The following APC variants were observed in gnomAD, a reference collection of about 807,000 sequenced individuals.
The protein encoded by APC is adenomatous polyposis coli protein.
APC carries 72 observed loss-of-function variants against 247.0 expected under a neutral mutation model. The ratio of observed to expected loss-of-function variants is 0.29; its 90% CI spans 0.24 to 0.35. The LOEUF is 0.35. APC is among the 10% of genes least tolerant of loss of function. The pLI is 1.00. For synonymous variants in APC, 1,254 were observed against 1,162.5 expected, an observed-to-expected ratio of 1.08 and a Z score of -1.60; for missense variants, 3,400 against 3,360.7, an observed-to-expected ratio of 1.01 and a Z score of -0.29.
At chr5:112,816,664 A>G (rs969949002) in intron 9 of APC, among the ~76,000 whole-genome samples, 4 of 151,588 alleles carry the variant, frequency 2.6e-5, no homozygotes, top group South Asian at 2.1e-4. Flanking sequence ...ATGGTGGCAC[A>G]TGGCTGTAAT....
chr5:112,757,761 A>C (rs1012325513), intron 2 of APC, among the ~76,000 whole-genome samples: 1 of 152,166 alleles, frequency 6.6e-6, no homozygotes, highest in Non-Finnish European at 1.5e-5. Context: ...AAAGTCTAAA[A>C]TTTATGTAGT....
chr5:112,739,080 CTT>C lies in APC; in HGVS notation c.-19+1157_-19+1158del, dbSNP rs534176596. Among the ~76,000 whole-genome samples, 41 of 152,250 alleles carry C rather than the reference CTT, an allele frequency of 2.7e-4. No homozygotes were observed. In the East Asian group the frequency reaches 7.3e-3, roughly 27 times the overall value. ...TATAGTTAAGTAATTTTATATTTCT[CTT>C]TGGTTGCTTTTAGATAACACTGAAT... On this transcript the variant is annotated intron_variant, in intron 1 of 15. Transcript: ENST00000257430.
intron 9 of APC, 28 bp downstream of exon 9, chr5:112,815,621 C>T (rs2149764478): frequency 6.4e-7 from 1 of 1,557,390 alleles, no homozygotes; most frequent in Non-Finnish European, 8.8e-7. Flanking sequence ...ACCCTGGTCA[C>T]TAATGCCATG....
At position 112,835,351 on chromosome 5, in the gene APC, A is replaced by G. The variant is rs529474731; in HGVS notation, c.1958+186A>G. Among the ~76,000 whole-genome samples the G allele has an allele frequency of 5.0e-4, 76 of 152,226 alleles. 1 individual carries two copies. Among genetic ancestry groups the G allele is most frequent in the Admixed American group, 6.5e-4 (10 of 15,290 alleles). On this transcript the variant is annotated intron_variant, in intron 15 of 15. Coordinates refer to ENST00000257430, the MANE Select transcript of APC (RefSeq NM_000038.6). ...ACTTAATGTAATAACAGTTTATAGT[A>G]TTATAGAGGAGACTAAATTAAGCAA...
Position 112,845,770 on chromosome 5 carries a change from ATTTGT to A in APC, c.*1648_*1652del, listed in dbSNP as rs1766932395. 1 of 231,936 alleles carries A rather than the reference ATTTGT, an allele frequency of 4.3e-6. No individual in the cohort carries two copies. 14.4% of individuals were successfully genotyped at this position (231,936 alleles called of 1,614,324 possible). ...TAATTTACTTAATATATCTTCCCTG[ATTTGT>A]TTTAAAAGATCAGAGGGTGACTGAT... On this transcript the variant is annotated 3_prime_UTR_variant, in exon 16 of 16. Transcript: ENST00000257430.
chr5:112,710,610 G>A (rs1281045647), intron 1 of APC, among the ~76,000 whole-genome samples: 1 of 152,144 alleles, frequency 6.6e-6, no homozygotes, highest in African/African-American at 2.4e-5. Flanking sequence ...TTCAACTCTA[G>A]GAGGACGTTC....
chr5:112,730,748 C>G (rs1407686242), intron 1 of APC, among the ~76,000 whole-genome samples: 4 of 152,124 alleles, frequency 2.6e-5, no homozygotes. Flanking sequence ...ACCACAAAAT[C>G]TGAATCTGCC....
In APC at chr5:112,819,360, T is replaced by A. The variant is rs376965806; in HGVS notation, c.1312+16T>A. ...AAAAATCCAAGTATGTTCTCTATAG[T>A]GTACATCGTAGTGCATGTTTCAAAG... On this transcript the variant is annotated intron_variant, in intron 10 of 15. Transcript: ENST00000257430. 17 of 1,613,890 alleles carry A rather than the reference T, an allele frequency of 1.1e-5. No individual in the cohort carries two copies. The highest frequency in any genetic ancestry group is 1.4e-5 in the Non-Finnish European group (17 of 1,179,918).
At position 112,729,987 on chromosome 5, in the gene APC, T is replaced by C. The variant is rs182635164; in HGVS notation, c.165+22105T>C. Among the ~76,000 whole-genome samples, 924 of 152,356 alleles carry C rather than the reference T, an allele frequency of 6.1e-3. 7 individuals carry two copies. Among genetic ancestry groups the C allele is most frequent in the Middle Eastern group, 0.01 (3 of 294 alleles). On this transcript the variant is annotated intron_variant, in intron 1 of 13. Transcript: ENST00000507379. ...CTCCTTGGCATTACCTCTTATTTGC[T>C]AATGCCCATACGATAACCCCAAACT...
At chr5:112,740,532 T>C (rs1752882226) in intron 1 of APC, among the ~76,000 whole-genome samples, 1 of 145,088 alleles carries the variant, frequency 6.9e-6, no homozygotes, top group Non-Finnish European at 1.5e-5. Flanking sequence ...TTCTTTTTTT[T>C]TTTTTTTTTT....
At chr5:112,766,569 A>C (rs1389232028) in intron 3 of APC, among the ~76,000 whole-genome samples, 159 bp downstream of exon 3, 1 of 152,152 alleles carries the variant, frequency 6.6e-6, no homozygotes, top group East Asian at 1.9e-4. Context: ...AGTACAAATA[A>C]ATAAAAAATG....
Position 112,708,002 on chromosome 5 carries a change from T to G in APC, c.165+120T>G. 2.9e-6 allele frequency: 3 copies of G among 1,045,556 alleles called. No homozygotes were observed. The South Asian group carries it at 5.3e-5, about 19-fold the overall frequency. 64.8% of individuals were successfully genotyped at this position (1,045,556 alleles called of 1,614,324 possible). A position where few individuals can be genotyped will look rare whatever the true frequency, so the allele number is the denominator to read the frequency against. On this transcript the variant is annotated intron_variant, in intron 1 of 13. Coordinates refer to the APC transcript ENST00000507379. ...TCTGTGGCTCTCTTCTCTCCATGTC[T>G]CACCCTCTCCCCTCCCCGCACTCCC...
Position 112,766,395 on chromosome 5 carries a change from T to G in APC, c.205T>G (p.Leu69Val). ...AMASSGQIDL[L>V]ERLKELNLDS... is the part of the protein sequence containing the mutation. ...GGCTTCTTCTGGACAGATTGATTTATTAGAGCGTCTTAAAGGTAGATTTTA... is the reference window on the plus strand; with the variant it reads ...GGCTTCTTCTGGACAGATTGATTTAGTAGAGCGTCTTAAAGGTAGATTTTA... Residue 69 changes from leucine to valine, a missense_variant, in exon 3 of 16, where the codon TTA (leucine) becomes GTA (valine). Transcript: ENST00000257430. The G allele has an allele frequency of 2.5e-6, 4 of 1,609,644 alleles. No individual in the cohort carries two copies. Among genetic ancestry groups the G allele is most frequent in the Non-Finnish European group, 3.4e-6 (4 of 1,176,122 alleles).
chr5:112,816,349 A>C (rs1762510272), intron 9 of APC, among the ~76,000 whole-genome samples: 2 of 152,242 alleles, frequency 1.3e-5, no homozygotes, highest in African/African-American at 4.8e-5. Context: ...TGTCTAACAG[A>C]GTGCCTGCAC....
At chr5:112,819,493 TAA>T (rs1358305572) in intron 10 of APC, 149 bp downstream of exon 10, 17 of 1,104,952 alleles carry the variant, frequency 1.5e-5, no homozygotes, top group East Asian at 1.0e-4. Context: ...TTTAAAAGAT[TAA>T]GTCTGTATTT....
Position 112,841,384 on chromosome 5 carries a change from A to G in APC, c.5790A>G (p.Gln1930=), listed in dbSNP as rs141152252. ...AGCCTAAACCCATACTTCAGAAACA[A>G]TCCACTTTTCCCCAGTCATCCAAAG... The part of the protein sequence containing the change: ...RGQPKPILQK[Q]STFPQSSKDI... The change falls in exon 16 of 16, where the codon CAA becomes CAG. Residue 1930 remains glutamine (Q), a synonymous_variant. Coordinates refer to ENST00000257430, the MANE Select transcript of APC (RefSeq NM_000038.6). This position sits in a 1 kb window ranked among gnomAD's most constrained non-coding sequence, Gnocchi z 4.6. 272 of 1,613,722 alleles carry G rather than the reference A, an allele frequency of 1.7e-4. No homozygotes were observed. The African/African-American group carries it at 2.9e-3, about 17-fold the overall frequency.
intron 1 of APC, among the ~76,000 whole-genome samples, chr5:112,754,027 T>C (rs915983191): frequency 2.0e-5 from 3 of 152,212 alleles, no homozygotes; most frequent in Non-Finnish European, 4.4e-5. Context: ...TACCTGGCTA[T>C]CTTTTGTATC....
chr5:112,808,336 A>C (rs2149736185), intron 8 of APC, among the ~76,000 whole-genome samples: 1 of 152,322 alleles, frequency 6.6e-6, no homozygotes, highest in Non-Finnish European at 1.5e-5. Flanking sequence ...ATGAATAGGA[A>C]TTAGTATATC....
At chr5:112,747,727 G>A (rs978118212) in intron 1 of APC, among the ~76,000 whole-genome samples, 34 of 152,248 alleles carry the variant, frequency 2.2e-4, no homozygotes, top group African/African-American at 7.7e-4. Context: ...TGAAGAAATC[G>A]TGGGAATTAA....
Sources: allele counts gnomAD v4.1 joint callset (sites outside exome capture counted in the v4.1 genomes callset), GRCh38; gene constraint gnomAD v4.1.1; non-coding constraint Gnocchi (gnomAD v3.1); transcripts MANE v1.5; gene names NCBI Gene and HGNC (gene_info 2026-07-23, HGNC 2026-07-21).